The following ARNT2 variants were observed in gnomAD, a reference collection of about 807,000 sequenced individuals.
ARNT2 encodes the protein ARNT protein 2.
A neutral mutation model predicts 91.7 loss-of-function variants in ARNT2; 36 were observed. The ratio of observed to expected loss-of-function variants is 0.39; its 90% CI spans 0.30 to 0.52. ARNT2 has a LOEUF of 0.52. Ranked by LOEUF, ARNT2 falls within the 20% of genes least tolerant of loss-of-function variation. The pLI is 0.72. For synonymous variants in ARNT2, 365 were observed against 347.1 expected, an observed-to-expected ratio of 1.05 and a Z score of -0.57; for missense variants, 775 against 939.3, an observed-to-expected ratio of 0.83 and a Z score of 2.29.
chr15:80,585,764 T>C lies in ARNT2; in HGVS notation c.1918+4360T>C, dbSNP rs115140915. On this transcript the variant is annotated intron_variant, in intron 17 of 18. Coordinates refer to ENST00000303329, the MANE Select transcript of ARNT2 (RefSeq NM_014862.4). ...TAAAACTGACTCACAGGAGGCAGCC[T>C]CTGGGTGGTAGAGAAATGTGCTGAA... is the stretch of plus-strand genomic sequence containing the variant. 4.2e-3 allele frequency among the ~76,000 whole-genome samples: 644 copies of C among 152,232 alleles called. 6 individuals carry two copies. The highest frequency in any genetic ancestry group is 0.014 in the African/African-American group (594 of 41,528).
intron 16 of ARNT2, 127 bp downstream of exon 16, chr15:80,580,676 C>T: frequency 7.9e-7 from 1 of 1,259,286 alleles, no homozygotes; most frequent in South Asian, 1.4e-5. Context: ...ACCCTAACAG[C>T]AGCTGGCTAC....
At chr15:80,577,929 G>T (rs1485269764) in intron 15 of ARNT2, among the ~76,000 whole-genome samples, 1 of 152,214 alleles carries the variant, frequency 6.6e-6, no homozygotes, top group Non-Finnish European at 1.5e-5. Context: ...CTGGTCTGGG[G>T]ACAGCAGACA....
intron 9 of ARNT2, 58 bp downstream of exon 9, chr15:80,551,333 C>G: frequency 6.7e-7 from 1 of 1,497,286 alleles, no homozygotes; most frequent in Non-Finnish European, 9.3e-7. Flanking sequence ...CCACAAAGTG[C>G]AGAAGACTGT....
intron 1 of ARNT2, among the ~76,000 whole-genome samples, chr15:80,439,046 C>A (rs1359240184): frequency 6.6e-6 from 1 of 152,140 alleles, no homozygotes; most frequent in Non-Finnish European, 1.5e-5. Flanking sequence ...ACAAATTTTG[C>A]ATATAAAATT....
intron 6 of ARNT2, among the ~76,000 whole-genome samples, chr15:80,513,400 T>A (rs1239074835): frequency 6.6e-6 from 1 of 152,198 alleles, no homozygotes; most frequent in African/African-American, 2.4e-5. Context: ...TGTCTGGTTG[T>A]CCCTAGTGCT....
At chr15:80,416,180 G>A (rs1213921173) in intron 1 of ARNT2, among the ~76,000 whole-genome samples, 3 of 152,158 alleles carry the variant, frequency 2.0e-5, no homozygotes, top group Non-Finnish European at 2.9e-5. Flanking sequence ...GTTTTATGTT[G>A]AACTTATTTC....
At chr15:80,454,006 C>T (rs3858943) in intron 2 of ARNT2, among the ~76,000 whole-genome samples, 53,554 of 152,090 alleles carry the variant, frequency 0.35, 10,124 homozygotes, top group East Asian at 0.56. Context: ...TCCAGGCCTC[C>T]CGCCGGGCCT....
chr15:80,528,443 CCTAT>C (rs1160558794), intron 8 of ARNT2, among the ~76,000 whole-genome samples: 1 of 151,548 alleles, frequency 6.6e-6, no homozygotes, highest in Admixed American at 6.6e-5. Context: ...CATCTATCTA[CCTAT>C]CTGTCATCTA....
intron 2 of ARNT2, 84 bp downstream of exon 2, chr15:80,451,078 C>G: frequency 1.6e-6 from 2 of 1,285,142 alleles, no homozygotes; most frequent in Non-Finnish European, 2.2e-6. Flanking sequence ...TTGTTTCTCC[C>G]CTTCCTGTAG....
chr15:80,448,602 A>C (rs4778793), intron 1 of ARNT2, among the ~76,000 whole-genome samples: 92,979 of 152,070 alleles, frequency 0.61, 28,692 homozygotes, highest in East Asian at 0.76. Flanking sequence ...GGATGACAAC[A>C]TTTCTAGGAT....
intron 3 of ARNT2, 24 bp from the exon 4 acceptor site, chr15:80,470,194 C>A: frequency 6.2e-7 from 1 of 1,606,300 alleles, no homozygotes; most frequent in East Asian, 2.2e-5. Flanking sequence ...TTCCCCCTCT[C>A]CTGATCTCGT....
chr15:80,515,298 C>T (rs1054671676), intron 8 of ARNT2, among the ~76,000 whole-genome samples: 1 of 152,108 alleles, frequency 6.6e-6, no homozygotes, highest in African/African-American at 2.4e-5. Flanking sequence ...TTCATAGCAA[C>T]ATCATTCATA....
At chr15:80,458,872 G>C (rs1896515275) in intron 3 of ARNT2, among the ~76,000 whole-genome samples, 1 of 152,088 alleles carries the variant, frequency 6.6e-6, no homozygotes, top group African/African-American at 2.4e-5. Context: ...ACTTGCCATG[G>C]GTGACGGTTG....
intron 1 of ARNT2, among the ~76,000 whole-genome samples, chr15:80,425,003 A>T (rs1433556523): frequency 6.6e-6 from 1 of 152,258 alleles, no homozygotes; most frequent in African/African-American, 2.4e-5. Context: ...AACACATGAG[A>T]TAGTCAACAA....
intron 8 of ARNT2, among the ~76,000 whole-genome samples, chr15:80,524,173 TA>T (rs1252217322): frequency 1.3e-5 from 2 of 152,184 alleles, no homozygotes; most frequent in Non-Finnish European, 2.9e-5. Flanking sequence ...GCCTCACTAT[TA>T]ATCAGAACTG....
At chr15:80,469,611 TGTGTGTGTGCAC>T (rs944415247) in intron 3 of ARNT2, among the ~76,000 whole-genome samples, 17 of 151,600 alleles carry the variant, frequency 1.1e-4, no homozygotes, top group African/African-American at 2.9e-4. Flanking sequence ...ACCACATTTG[TGTGTGTGTGCAC>T]GTGTGTATAT....
chr15:80,419,743 GA>G, intron 1 of ARNT2, among the ~76,000 whole-genome samples: 1 of 152,218 alleles, frequency 6.6e-6, no homozygotes, highest in Non-Finnish European at 1.5e-5. Context: ...CAGGGTCCTG[GA>G]AAGTCCCGGG....
chr15:80,407,389 A>G (rs1317526826), intron 1 of ARNT2, among the ~76,000 whole-genome samples: 1 of 152,148 alleles, frequency 6.6e-6, no homozygotes. Context: ...CTGTGGATAT[A>G]ATACAGGTCC....
chr15:80,464,523 A>G (rs1896621317), intron 3 of ARNT2, among the ~76,000 whole-genome samples: 1 of 152,164 alleles, frequency 6.6e-6, no homozygotes, highest in Non-Finnish European at 1.5e-5. Context: ...TTCAGCCTGG[A>G]CACACAGGTA....
Sources: gnomAD v4.1 joint callset for allele counts (sites outside exome capture counted in the v4.1 genomes callset) on GRCh38, gnomAD v4.1.1 for gene constraint, MANE v1.5 for transcripts, NCBI Gene and HGNC (gene_info 2026-07-23, HGNC 2026-07-21) for gene names.